NOVA1: variants seen among roughly 807,000 people sequenced by gnomAD.
The protein encoded by NOVA1 is NOVA alternative splicing regulator 1, also known as RNA-binding protein Nova-1.
In NOVA1, 7 loss-of-function variants were observed where a neutral mutation model predicts 38.0. That is an observed-to-expected ratio of 0.18 (90% CI 0.10 to 0.35). NOVA1 has a LOEUF of 0.35. Among genes scored for constraint, NOVA1 ranks in the 10% least tolerant of loss-of-function variants. NOVA1 has a pLI of 1.00. For missense variants in NOVA1, 460 were observed against 616.0 expected, an observed-to-expected ratio of 0.75 and a Z score of 2.68; for synonymous variants, 270 against 232.5, an observed-to-expected ratio of 1.16 and a Z score of -1.47.
chr14:26,472,056 T>C, intron 4 of NOVA1: 2 of 428,848 alleles, frequency 4.7e-6, no homozygotes. Flanking sequence ...GCTTCAGTGC[T>C]CCATTAGGTA....
At chr14:26,483,647 A>G (rs1412962499) in intron 2 of NOVA1, among the ~76,000 whole-genome samples, 2 of 152,210 alleles carry the variant, frequency 1.3e-5, no homozygotes, top group African/African-American at 4.8e-5. Context: ...AGAACCAATT[A>G]TGATGTACCT....
intron 2 of NOVA1, among the ~76,000 whole-genome samples, chr14:26,508,678 C>T (rs1594429428): frequency 1.3e-5 from 2 of 151,898 alleles, no homozygotes; most frequent in East Asian, 3.9e-4. Context: ...AAAGAACTGT[C>T]ATAGAGTTGA....
In NOVA1 at chr14:26,463,196, C is replaced by T. The variant is rs532580600; in HGVS notation, c.519+9124G>A. Among the ~76,000 whole-genome samples, 15 of 152,224 alleles carry T rather than the reference C, an allele frequency of 9.9e-5. No individual in the cohort carries two copies. The East Asian group carries it at 2.9e-3, about 29-fold the overall frequency. Reference sequence around the variant, plus strand: ...TGGTTTCCAACTTTTATCATACATACGTTCTTTTATTTGTTTCTAAGTATT... The same window carrying T: ...TGGTTTCCAACTTTTATCATACATATGTTCTTTTATTTGTTTCTAAGTATT... On this transcript the variant is annotated intron_variant, in intron 4 of 4. Coordinates refer to ENST00000539517, the MANE Select transcript of NOVA1 (RefSeq NM_002515.3).
At chr14:26,537,446 G>C (rs775437235) in intron 2 of NOVA1, among the ~76,000 whole-genome samples, 7 of 152,044 alleles carry the variant, frequency 4.6e-5, no homozygotes, top group Middle Eastern at 3.5e-3. Context: ...ATCTCAAATG[G>C]AAAGTTTTTT....
At chr14:26,577,661 A>G (rs1892946922) in intron 2 of NOVA1, among the ~76,000 whole-genome samples, 1 of 152,160 alleles carries the variant, frequency 6.6e-6, no homozygotes, top group African/African-American at 2.4e-5. Flanking sequence ...GTTCAACAGA[A>G]AGAGAGAAGG....
chr14:26,536,250 T>G (rs1890089511), intron 2 of NOVA1, among the ~76,000 whole-genome samples: 1 of 150,030 alleles, frequency 6.7e-6, no homozygotes, highest in Non-Finnish European at 1.5e-5. Context: ...GGATGTTAAA[T>G]GGGTACAAAA....
rs556907607 is a variant in NOVA1, at chr14:26,558,690, T to C, written c.280+36720A>G. Among the ~76,000 whole-genome samples, 238 of 152,262 alleles carry C rather than the reference T, an allele frequency of 1.6e-3. 5 individuals carry two copies. Among genetic ancestry groups the C allele is most frequent in the South Asian group, 0.015 (71 of 4,820 alleles). ...AAACTCAATAAAAGTATAATTTCTA[T>C]ATAGGAAAGTTATTTTTAAAAATGG... is the stretch of plus-strand genomic sequence containing the variant. On this transcript the variant is annotated intron_variant, in intron 2 of 4. Transcript: ENST00000539517.
intron 2 of NOVA1, among the ~76,000 whole-genome samples, chr14:26,552,342 T>C (rs1342356541): frequency 6.6e-6 from 1 of 152,094 alleles, no homozygotes; most frequent in African/African-American, 2.4e-5. Flanking sequence ...ACCCCAATAG[T>C]GGCATTTAAG....
At chr14:26,547,436 C>T (rs1235903401) in intron 2 of NOVA1, among the ~76,000 whole-genome samples, 2 of 151,922 alleles carry the variant, frequency 1.3e-5, no homozygotes, top group African/African-American at 4.8e-5. Context: ...TAAAAAGTTC[C>T]CATCTGATTC....
chr14:26,498,999 T>A (rs1887049631), intron 2 of NOVA1, among the ~76,000 whole-genome samples: 2 of 152,006 alleles, frequency 1.3e-5, no homozygotes, highest in African/African-American at 2.4e-5. Context: ...AAAAGAAAGG[T>A]CAAATATATA....
intron 2 of NOVA1, among the ~76,000 whole-genome samples, chr14:26,523,741 C>A: frequency 6.8e-6 from 1 of 146,580 alleles, no homozygotes. Context: ...TCCCTATCCA[C>A]TTGAAGATTT....
At chr14:26,512,294 C>T (rs1594437842) in intron 2 of NOVA1, among the ~76,000 whole-genome samples, 2 of 152,258 alleles carry the variant, frequency 1.3e-5, no homozygotes, top group Admixed American at 1.3e-4. Flanking sequence ...TTGAAGAATG[C>T]TTTTCATACT....
intron 2 of NOVA1, among the ~76,000 whole-genome samples, chr14:26,584,767 C>T (rs1416736874): frequency 1.3e-5 from 2 of 151,434 alleles, no homozygotes; most frequent in Non-Finnish European, 1.5e-5. Context: ...AGCTCCTCTT[C>T]GAAGTCTTCT....
intron 2 of NOVA1, chr14:26,593,330 C>G (rs976694942): frequency 6.6e-6 from 1 of 151,666 alleles, no homozygotes; most frequent in African/African-American, 2.4e-5. Flanking sequence ...TGGTCAAGTG[C>G]GAAGAGAAAG....
intron 2 of NOVA1, among the ~76,000 whole-genome samples, chr14:26,595,063 T>C (rs545488254): frequency 2.0e-5 from 3 of 152,234 alleles, no homozygotes; most frequent in African/African-American, 7.2e-5. Flanking sequence ...CTAATTGTCA[T>C]TACAATGATG....
At position 26,595,394 on chromosome 14, in the gene NOVA1, T is replaced by A. The variant is rs1359317705; in HGVS notation, c.280+16A>T. The A allele has an allele frequency of 2.5e-6, 4 of 1,609,732 alleles. No homozygotes were observed. The highest frequency in any genetic ancestry group is 3.4e-6 in the Non-Finnish European group (4 of 1,178,220). ...GTGGGGAGCTCATCAAACAATCTCT[T>A]CACCATTGCACCTACCTGGGTAAAA... On this transcript the variant is annotated intron_variant, in intron 2 of 4. Coordinates refer to ENST00000539517, the MANE Select transcript of NOVA1 (RefSeq NM_002515.3).
At chr14:26,449,689 A>G (rs1461406455) in intron 4 of NOVA1, among the ~76,000 whole-genome samples, 1 of 152,134 alleles carries the variant, frequency 6.6e-6, no homozygotes, top group Non-Finnish European at 1.5e-5. Flanking sequence ...TGCACTATCT[A>G]TATTTGTAAA....
intron 2 of NOVA1, chr14:26,568,513 C>T (rs1472135623): frequency 1.3e-5 from 2 of 152,088 alleles, no homozygotes; most frequent in East Asian, 1.9e-4. Flanking sequence ...ACCTAACATG[C>T]TTTTTTATGT....
At chr14:26,593,495 C>G (rs1254771472) in intron 2 of NOVA1, 4 of 151,828 alleles carry the variant, frequency 2.6e-5, no homozygotes, top group African/African-American at 9.7e-5. Flanking sequence ...TGATCCCATA[C>G]TGTGTGATTG....
Sources: allele counts gnomAD v4.1 joint callset (sites outside exome capture counted in the v4.1 genomes callset), GRCh38; gene constraint gnomAD v4.1.1; transcripts MANE v1.5; gene names NCBI Gene and HGNC (gene_info 2026-07-23, HGNC 2026-07-21).